The following ANK3 variants were observed in gnomAD, a reference collection of about 807,000 sequenced individuals.
ANK3 encodes ankyrin 3, also known as ankyrin-3.
ANK3 carries 57 observed loss-of-function variants against 370.9 expected under a neutral mutation model. The observed-to-expected ratio is 0.15, with a 90% confidence interval of 0.12 to 0.19. The LOEUF (loss-of-function observed/expected upper bound fraction) is 0.19. Ranked by LOEUF, ANK3 falls within the 10% of genes least tolerant of loss-of-function variation. The pLI is 1.00. For missense variants in ANK3, 4,439 were observed against 5,302.1 expected, an observed-to-expected ratio of 0.84 and a Z score of 5.06; for synonymous variants, 1,929 against 1,946.3, an observed-to-expected ratio of 0.99 and a Z score of 0.23.
chr10:60,524,336 C>T (rs2076419829), intron 2 of ANK3, among the ~76,000 whole-genome samples: 1 of 152,012 alleles, frequency 6.6e-6, no homozygotes, highest in Non-Finnish European at 1.5e-5. Flanking sequence ...AGAGTATAGA[C>T]CATTGATACG....
chr10:60,704,755 C>A (rs1452015122), intron 1 of ANK3, among the ~76,000 whole-genome samples: 1 of 152,090 alleles, frequency 6.6e-6, no homozygotes, highest in African/African-American at 2.4e-5. Context: ...AGGGGGTTAG[C>A]CAGTAATTTT....
intron 2 of ANK3, among the ~76,000 whole-genome samples, chr10:60,602,951 T>G (rs752330414): frequency 6.6e-6 from 1 of 152,118 alleles, no homozygotes; most frequent in Non-Finnish European, 1.5e-5. Flanking sequence ...AAATTTTTCC[T>G]TCTTATAGGT....
At chr10:60,081,554 TGA>T (rs1460566501) in intron 35 of ANK3, 5 of 434,954 alleles carry the variant, frequency 1.1e-5, no homozygotes, top group Middle Eastern at 6.8e-4. Flanking sequence ...ATTTCTTTAG[TGA>T]GAGTATCAAA....
intron 2 of ANK3, among the ~76,000 whole-genome samples, chr10:60,434,143 A>G (rs2064099492): frequency 1.3e-5 from 2 of 152,268 alleles, no homozygotes; most frequent in African/African-American, 4.8e-5. Context: ...CCTCTATGGA[A>G]TATCAAAAAT....
At chr10:60,464,105 A>T (rs925921615) in intron 2 of ANK3, among the ~76,000 whole-genome samples, 8 of 152,230 alleles carry the variant, frequency 5.3e-5, no homozygotes, top group Non-Finnish European at 1.0e-4. Flanking sequence ...AGTAAAGAAG[A>T]AACAGCTCTA....
intron 25 of ANK3, among the ~76,000 whole-genome samples, chr10:60,133,374 C>T (rs1265810268): frequency 6.6e-6 from 1 of 152,200 alleles, no homozygotes; most frequent in East Asian, 1.9e-4. Context: ...AGCCCACATG[C>T]AGGAAGACTG....
intron 2 of ANK3, among the ~76,000 whole-genome samples, chr10:60,454,704 C>A (rs1356799744): frequency 6.6e-6 from 1 of 152,068 alleles, no homozygotes; most frequent in African/African-American, 2.4e-5. Context: ...ACTCTACCTG[C>A]AAATCAAAGA....
rs201438922 is a variant in ANK3, at chr10:60,192,250, G to GAT, written c.1887+3893_1887+3894dup. ...CATGGTGCGCGTGTGTGTGTATACA[G>GAT]ATATATATACATACATATAGTAGTA... On this transcript the variant is annotated intron_variant, in intron 16 of 43. Transcript: ENST00000280772. Among the ~76,000 whole-genome samples the GAT allele has an allele frequency of 1.1e-4, 17 of 151,728 alleles. No individual in the cohort carries two copies. In the East Asian group the frequency reaches 2.5e-3, roughly 23 times the overall value.
At chr10:60,240,304 A>ATTT (rs1305756045) in intron 7 of ANK3, among the ~76,000 whole-genome samples, 45 of 87,626 alleles carry the variant, frequency 5.1e-4, no homozygotes, top group African/African-American at 1.3e-3. Flanking sequence ...ATATATATAT[A>ATTT]TATTTTTTTT....
At chr10:60,590,894 G>A (rs532193090) in intron 2 of ANK3, among the ~76,000 whole-genome samples, 9 of 151,804 alleles carry the variant, frequency 5.9e-5, no homozygotes, top group African/African-American at 1.4e-4. Flanking sequence ...TTATTTTTCC[G>A]ACATATTTTC....
intron 18 of ANK3, among the ~76,000 whole-genome samples, chr10:60,180,891 C>T (rs1194702492): frequency 1.3e-5 from 2 of 152,032 alleles, no homozygotes; most frequent in East Asian, 3.9e-4. Context: ...AGGAATTTAG[C>T]AAGTGAGTAA....
chr10:60,461,486 A>G (rs1219270426), intron 2 of ANK3, among the ~76,000 whole-genome samples: 1 of 152,176 alleles, frequency 6.6e-6, no homozygotes, highest in Non-Finnish European at 1.5e-5. Context: ...AGGTACATCA[A>G]CAAGCAGGGT....
chr10:60,585,376 A>G (rs2077816942), intron 2 of ANK3, among the ~76,000 whole-genome samples: 1 of 152,188 alleles, frequency 6.6e-6, no homozygotes. Context: ...AAATTATGAG[A>G]AAGTTTAAGT....
chr10:60,653,548 A>G (rs1442540), intron 1 of ANK3, among the ~76,000 whole-genome samples: 101,565 of 152,052 alleles, frequency 0.67, 34,172 homozygotes, highest in South Asian at 0.82. Context: ...TATAGTAATC[A>G]GGTAATGTGA....
chr10:60,265,695 C>T (rs367864729), intron 5 of ANK3, among the ~76,000 whole-genome samples: 6 of 152,206 alleles, frequency 3.9e-5, no homozygotes, highest in African/African-American at 1.4e-4. Flanking sequence ...AGCACATATG[C>T]ACCAAGGTCT....
At chr10:60,464,112 T>C (rs2064955980) in intron 2 of ANK3, among the ~76,000 whole-genome samples, 1 of 152,166 alleles carries the variant, frequency 6.6e-6, no homozygotes, top group Non-Finnish European at 1.5e-5. Flanking sequence ...AAGAAACAGC[T>C]CTAAGTCTGC....
intron 1 of ANK3, among the ~76,000 whole-genome samples, chr10:60,684,221 G>A (rs552508519): frequency 4.3e-4 from 66 of 152,344 alleles, no homozygotes; most frequent in African/African-American, 1.3e-3. Flanking sequence ...GATTAGGGGC[G>A]CGCAGGCAGG....
chr10:60,671,200 A>G (rs1380199345), intron 1 of ANK3, among the ~76,000 whole-genome samples: 2 of 152,222 alleles, frequency 1.3e-5, no homozygotes, highest in East Asian at 3.9e-4. Context: ...GTGATCCACA[A>G]GGTTCTGCAT....
At chr10:60,389,947 G>T, upstream of ANK3, 1 of 730,806 alleles carries the variant, frequency 1.4e-6, no homozygotes, top group Non-Finnish European at 1.7e-6. Flanking sequence ...CACCACACAT[G>T]CAGAAGCAAA....
Sources: gnomAD v4.1 joint callset for allele counts (sites outside exome capture counted in the v4.1 genomes callset) on GRCh38, gnomAD v4.1.1 for gene constraint, MANE v1.5 for transcripts, NCBI Gene and HGNC (gene_info 2026-07-23, HGNC 2026-07-21) for gene names.